NINL: variants seen among roughly 807,000 people sequenced by gnomAD.
NINL encodes the protein ninein like.
A neutral mutation model predicts 160.3 loss-of-function variants in NINL; 153 were observed. The ratio of observed to expected loss-of-function variants is 0.95; its 90% CI spans 0.84 to 1.09. NINL has a LOEUF of 1.09. Among genes scored for constraint, NINL ranks in the 50% least tolerant of loss-of-function variants. The pLI, the probability that NINL is intolerant of heterozygous loss-of-function variation, is 0.00. For missense variants in NINL, 1,829 were observed against 1,764.0 expected (o/e 1.04, Z -0.66); for synonymous variants, 800 against 734.8 (o/e 1.09, Z -1.43).
intron 1 of NINL, among the ~76,000 whole-genome samples, chr20:25,546,870 CCT>C (rs2064739884): frequency 6.6e-6 from 1 of 152,012 alleles, no homozygotes; most frequent in Non-Finnish European, 1.5e-5. Flanking sequence ...AATGTATTTC[CCT>C]CTGTTCCAGA....
chr20:25,470,169 G>A (rs759147013), intron 17 of NINL, 74 bp from the exon 18 acceptor site: 21 of 1,195,060 alleles, frequency 1.8e-5, no homozygotes, highest in East Asian at 4.7e-5. Flanking sequence ...GCTCTGCAGC[G>A]GGGAGTCCTG....
chr20:25,495,986 A>G (rs1294601343), intron 10 of NINL, among the ~76,000 whole-genome samples: 1 of 152,102 alleles, frequency 6.6e-6, no homozygotes, highest in East Asian at 1.9e-4. Flanking sequence ...TCTACTAAAA[A>G]TACAAAAATT....
intron 1 of NINL, among the ~76,000 whole-genome samples, chr20:25,575,559 C>T (rs931536534): frequency 4.1e-5 from 6 of 145,960 alleles, no homozygotes; most frequent in African/African-American, 1.3e-4. Flanking sequence ...GAGACCAGCT[C>T]GGCCAACATG....
Position 25,489,969 on chromosome 20 carries a change from T to G in NINL, c.1502A>C (p.Gln501Pro), listed in dbSNP as rs748119321. ...TTCCACCACTTCCACAATCTCCTTCTGTAGGCGACTGTTTTCCTAGGAGAC... is the reference window on the plus strand; with the variant it reads ...TTCCACCACTTCCACAATCTCCTTCGGTAGGCGACTGTTTTCCTAGGAGAC... ...TLALKENSRL[Q>P]KEIVEVVEKL... Residue 501 changes from glutamine (Q) to proline (P), a missense_variant, in exon 12 of 24, where the codon CAG becomes CCG. By Grantham distance (76) the Gln-to-Pro change is moderately conservative. Transcript: ENST00000278886. 1.2e-6 allele frequency: 2 copies of G among 1,614,170 alleles called. No homozygotes were observed. Among genetic ancestry groups the G allele is most frequent in the Non-Finnish European group, 1.7e-6 (2 of 1,180,008 alleles).
At chr20:25,492,597 A>AC (rs2063664603) in intron 10 of NINL, among the ~76,000 whole-genome samples, 1 of 151,920 alleles carries the variant, frequency 6.6e-6, no homozygotes, top group Non-Finnish European at 1.5e-5. Flanking sequence ...GACTACAGGC[A>AC]CCCACCACCA....
chr20:25,487,835 G>T (rs971347275), intron 13 of NINL, among the ~76,000 whole-genome samples: 2 of 152,342 alleles, frequency 1.3e-5, no homozygotes, highest in African/African-American at 4.8e-5. Flanking sequence ...AGACCATGGG[G>T]AGCTGGCTGG....
At chr20:25,526,282 T>C in intron 2 of NINL, 126 bp downstream of exon 2, 1 of 848,118 alleles carries the variant, frequency 1.2e-6, no homozygotes, top group Non-Finnish European at 1.9e-6. Context: ...ACTAGGACAC[T>C]GTTCCATTTG....
intron 1 of NINL, among the ~76,000 whole-genome samples, chr20:25,545,482 C>CA (rs898837483): frequency 6.6e-6 from 1 of 151,942 alleles, no homozygotes; most frequent in Non-Finnish European, 1.5e-5. Flanking sequence ...TGAGCCCCCC[C>CA]CCATTATCTG....
intron 1 of NINL, among the ~76,000 whole-genome samples, chr20:25,583,732 C>T (rs2065198327): frequency 6.6e-6 from 1 of 152,208 alleles, no homozygotes; most frequent in Non-Finnish European, 1.5e-5. Context: ...CCCAAATGCC[C>T]ATCACGGATA....
Position 25,477,633 on chromosome 20 carries a change from G to C in NINL, c.2202-544C>G, listed in dbSNP as rs528616453. 7.9e-5 allele frequency among the ~76,000 whole-genome samples: 12 copies of C among 152,338 alleles called. No homozygotes were observed. In the South Asian group the frequency reaches 2.3e-3, roughly 29 times the overall value. ...AGAAGGGGTATGTGGTCCATGCCTG[G>C]CCAGGGCAAGGGGAGCAAGGAAGTG... On this transcript the variant is annotated intron_variant, in intron 16 of 23. Coordinates refer to ENST00000278886, the MANE Select transcript of NINL (RefSeq NM_025176.6).
At chr20:25,543,235 A>C (rs1308122099) in intron 1 of NINL, among the ~76,000 whole-genome samples, 2 of 152,066 alleles carry the variant, frequency 1.3e-5, no homozygotes, top group African/African-American at 2.4e-5. Context: ...GCAAAATTGC[A>C]GGATACAAAA....
intron 1 of NINL, among the ~76,000 whole-genome samples, chr20:25,543,348 C>T (rs956038287): frequency 5.3e-5 from 8 of 152,174 alleles, no homozygotes; most frequent in African/African-American, 1.7e-4. Context: ...TCTGGAGGTC[C>T]AGACTAGCCT....
chr20:25,541,893 A>C (rs1410787234), intron 1 of NINL, among the ~76,000 whole-genome samples: 1 of 152,232 alleles, frequency 6.6e-6, no homozygotes, highest in Non-Finnish European at 1.5e-5. Flanking sequence ...GGGAGGAGTG[A>C]CACTGTGCAC....
intron 1 of NINL, among the ~76,000 whole-genome samples, chr20:25,551,988 G>A (rs2064811946): frequency 6.6e-6 from 1 of 152,200 alleles, no homozygotes; most frequent in Non-Finnish European, 1.5e-5. Flanking sequence ...AGGCCATCGG[G>A]AGGTATACAG....
At chr20:25,497,276 T>C (rs966920025) in intron 9 of NINL, among the ~76,000 whole-genome samples, 29 of 152,146 alleles carry the variant, frequency 1.9e-4, no homozygotes, top group Admixed American at 1.8e-3. Context: ...AACGCAGTGG[T>C]TGTATGTGGT....
intron 20 of NINL, among the ~76,000 whole-genome samples, chr20:25,461,914 T>TCCTGGG (rs1203417469): frequency 6.6e-6 from 1 of 152,140 alleles, no homozygotes. Flanking sequence ...GCATTAGTTA[T>TCCTGGG]GATTTGAAAA....
At chr20:25,507,257 T>C (rs961224793) in intron 5 of NINL, among the ~76,000 whole-genome samples, 3 of 152,166 alleles carry the variant, frequency 2.0e-5, no homozygotes, top group African/African-American at 7.2e-5. Context: ...CAACATTTTT[T>C]TTTTTTGCAG....
At chr20:25,525,551 G>A (rs957913206) in intron 2 of NINL, among the ~76,000 whole-genome samples, 2 of 152,184 alleles carry the variant, frequency 1.3e-5, no homozygotes, top group Non-Finnish European at 2.9e-5. Context: ...CTACTTGGGG[G>A]ACTGAGGCGG....
At chr20:25,453,817 G>C (rs1248945179) in intron 23 of NINL, among the ~76,000 whole-genome samples, 175 bp from the exon 24 acceptor site, 1 of 152,248 alleles carries the variant, frequency 6.6e-6, no homozygotes, top group Non-Finnish European at 1.5e-5. Flanking sequence ...TTGGGAGGCT[G>C]AGGTGGGCAG....
Sources: allele counts gnomAD v4.1 joint callset (sites outside exome capture counted in the v4.1 genomes callset), GRCh38; gene constraint gnomAD v4.1.1; transcripts MANE v1.5; gene names NCBI Gene and HGNC (gene_info 2026-07-23, HGNC 2026-07-21).